Variants in ABCA7 observed in about 807,000 individuals in gnomAD.
The protein encoded by ABCA7 is phospholipid-transporting ATPase ABCA7.
Under a neutral mutation model 227.6 loss-of-function variants are expected in ABCA7, and 261 were observed. The observed-to-expected ratio is 1.15, with a 90% CI of 1.04 to 1.27. The LOEUF (loss-of-function observed/expected upper bound fraction) is 1.27, where lower values mean the gene tolerates loss of function less well. Among genes scored for constraint, ABCA7 ranks in the 50% most tolerant of loss-of-function variants. The pLI is 0.00. For missense variants in ABCA7, 3,331 were observed against 2,924.5 expected (o/e 1.14, Z -3.21); for synonymous variants, 1,488 against 1,279.7 (o/e 1.16, Z -3.47).
Position 1,063,566 on chromosome 19 carries a change from G to C in ABCA7, c.5735G>C (p.Arg1912Pro), listed in dbSNP as rs760239175. 1.9e-6 allele frequency: 3 copies of C among 1,610,852 alleles called. No individual in the cohort carries two copies. The Admixed American group carries it at 5.0e-5, about 27-fold the overall frequency. The change falls in exon 43 of 47, where the codon CGT becomes CCT. Residue 1912 changes from arginine to proline, a missense_variant. Arg to Pro is a moderately radical substitution (Grantham distance 103). Transcript: ENST00000263094. ...VAQTAGSGLA[R>P]LGLSWYADRP... ...CAGACCGCTGGCTCGGGCCTGGCGCGTCTGGGACTCTCATGGTACGCAGAC... is the reference window on the plus strand; with the variant it reads ...CAGACCGCTGGCTCGGGCCTGGCGCCTCTGGGACTCTCATGGTACGCAGAC...
In ABCA7 at chr19:1,054,692, C is replaced by T. The variant is rs201220286; in HGVS notation, c.3849C>T (p.Phe1283=). 7.4e-6 allele frequency: 12 copies of T among 1,612,530 alleles called. No homozygotes were observed. The Admixed American group carries it at 2.0e-4, about 27-fold the overall frequency. The part of the protein sequence containing the change: ...PTMYGAQVSF[F]SEDAPGDPGR... ...TGTACGGTGCTCAGGTGTCCTTCTT[C>T]AGGTGGGTGCAGAAGGAAGGGGCTG... Residue 1283 remains phenylalanine (F), a splice_region_variant and synonymous_variant, in exon 28 of 47, where the codon TTC becomes TTT. Transcript: ENST00000263094. The surrounding 1 kb of genome is among the most constrained non-coding windows in gnomAD (Gnocchi z 4.8).
chr19:1,045,313 T>C (rs2040510776), intron 12 of ABCA7, 82 bp downstream of exon 12: 1 of 1,295,166 alleles, frequency 7.7e-7, no homozygotes, highest in Non-Finnish European at 1.1e-6. Flanking sequence ...GCATTCAGCC[T>C]ATTGGAGACC....
Position 1,050,920 on chromosome 19 carries a change from G to A in ABCA7, c.2553-1G>A. Reference sequence around the variant, plus strand: ...CTACTCTGAGACCCCTCTATCCACAGGTCCATCTTGAGTGGCCTCTTCCCA... The same window carrying A: ...CTACTCTGAGACCCCTCTATCCACAAGTCCATCTTGAGTGGCCTCTTCCCA... On this transcript the variant is annotated splice_acceptor_variant, in intron 18 of 46. Transcript: ENST00000263094. LOFTEE classifies it high-confidence loss of function. 3 of 1,601,912 alleles carry A rather than the reference G, an allele frequency of 1.9e-6. No individual in the cohort carries two copies. Among genetic ancestry groups the A allele is most frequent in the Non-Finnish European group, 2.6e-6 (3 of 1,172,858 alleles).
At chr19:1,048,670 A>G (rs1313805249) in intron 16 of ABCA7, among the ~76,000 whole-genome samples, 4 of 150,912 alleles carry the variant, frequency 2.7e-5, no homozygotes, top group Non-Finnish European at 5.9e-5. Context: ...TTATCCAGGC[A>G]TGGTGGCGGG....
rs760267413 is a variant in ABCA7, at chr19:1,057,038, G to A, written c.4718G>A (p.Gly1573Asp). The change falls in exon 34 of 47, where the codon GGC (glycine) becomes GAC (aspartate). Residue 1573 changes from glycine (G) to aspartate (D), a missense_variant. Coordinates refer to ENST00000263094, the MANE Select transcript of ABCA7 (RefSeq NM_019112.4). ...TRAKHLQLMG[G>D]LSPTLYWLGN... ...GCCAAGCACCTGCAGCTCATGGGGG[G>A]CCTGTCCCCCACCCTCTACTGGCTT... 5.6e-6 allele frequency: 9 copies of A among 1,613,722 alleles called. No homozygotes were observed. In the East Asian group the frequency reaches 1.8e-4, roughly 32 times the overall value.
At position 1,051,294 on chromosome 19, in the gene ABCA7, G is replaced by C. The variant is rs200140277; in HGVS notation, c.2824G>C (p.Gly942Arg). ...GAGTGTGCAGACTCGCCACCTCTCT[G>C]GTGAGCCCATCCCCAAGGGAGGTCA... ...KQSVQTRHLS[G>R]GMQRKLSVAI... Residue 942 changes from glycine to arginine, a missense_variant and splice_region_variant, in exon 20 of 47, where the codon GGT becomes CGT. Transcript: ENST00000263094. The C allele has an allele frequency of 3.3e-5, 52 of 1,593,712 alleles. 1 individual carries two copies. The Middle Eastern group carries it at 1.3e-3, about 40-fold the overall frequency.
Position 1,053,344 on chromosome 19 carries a change from T to C in ABCA7, c.3236T>C (p.Leu1079Pro). 23 of 1,609,346 alleles carry C rather than the reference T, an allele frequency of 1.4e-5. No individual in the cohort carries two copies. The highest frequency in any genetic ancestry group is 2.0e-5 in the Non-Finnish European group (23 of 1,179,306). Residue 1079 changes from leucine (L) to proline (P), a missense_variant, in exon 24 of 47, where the codon CTG (leucine) becomes CCG (proline). Coordinates refer to ENST00000263094, the MANE Select transcript of ABCA7 (RefSeq NM_019112.4). ...GTCCACACAGGCACTCCTCAGCTGCTGGCCCTGGTACAGCACTGGGTGCCC... is the reference window on the plus strand; with the variant it reads ...GTCCACACAGGCACTCCTCAGCTGCCGGCCCTGGTACAGCACTGGGTGCCC... ...QGSRVGTPQLLALVQHWVPGA... is the reference protein window; with the variant it reads ...QGSRVGTPQLPALVQHWVPGA...
Position 1,057,315 on chromosome 19 carries a change from G to T in ABCA7, c.4766G>T (p.Cys1589Phe). ...AGGTAACTGCCATCTCCAATGCAGT[G>T]TAACTACTTGGTGCCAGCATGCATC... ...YWLGNFLWDM[C>F]NYLVPACIVV... Residue 1589 changes from cysteine to phenylalanine, a missense_variant and splice_region_variant, in exon 35 of 47, where the codon TGT becomes TTT. Transcript: ENST00000263094. The T allele has an allele frequency of 6.2e-7, 1 of 1,613,928 alleles. No individual in the cohort carries two copies.
chr19:1,061,814 G>A lies in ABCA7; in HGVS notation c.5496G>A (p.Gly1832=). Residue 1832 remains glycine (G), a synonymous_variant, in exon 41 of 47, where the codon GGG becomes GGA. Transcript: ENST00000263094. ...CFGLLGVNGA[G]KTSTFRMVTG... ...GGCTGCTGGGTGTGAATGGAGCAGG[G>A]AAGACGTCCACGTTTCGCATGGTGA... 6.2e-7 allele frequency: 1 copy of A among 1,612,444 alleles called. No homozygotes were observed. The highest frequency in any genetic ancestry group is 8.5e-7 in the Non-Finnish European group (1 of 1,179,332).
Position 1,057,068 on chromosome 19 carries a change from A to G in ABCA7, c.4748A>G (p.Asn1583Ser), listed in dbSNP as rs200409370. Residue 1583 changes from asparagine to serine, a missense_variant, in exon 34 of 47, where the codon AAC (asparagine) becomes AGC (serine). Coordinates refer to ENST00000263094, the MANE Select transcript of ABCA7 (RefSeq NM_019112.4). ...GLSPTLYWLG[N>S]FLWDMCNYLV... ...TCCCCCACCCTCTACTGGCTTGGCA[A>G]CTTTCTCTGGGACATGGTGCGGGGG... The G allele has an allele frequency of 2.5e-6, 4 of 1,612,944 alleles. No homozygotes were observed. Among genetic ancestry groups the G allele is most frequent in the Non-Finnish European group, 3.4e-6 (4 of 1,179,732 alleles).
intron 18 of ABCA7, 119 bp from the exon 19 acceptor site, chr19:1,050,802 A>G: frequency 2.0e-6 from 1 of 495,320 alleles, no homozygotes; most frequent in African/African-American, 2.1e-5. Flanking sequence ...AATAATAATA[A>G]TAATAATAAT....
intron 12 of ABCA7, chr19:1,045,480 A>G (rs2040532734): frequency 3.8e-6 from 2 of 522,228 alleles, no homozygotes; most frequent in African/African-American, 3.8e-5. Context: ...GTTGAGGGCA[A>G]TGGTGGGCGG....
In ABCA7 at chr19:1,053,448, G is replaced by T. The variant is rs767711531; in HGVS notation, c.3340G>T (p.Ala1114Ser). The T allele has an allele frequency of 6.2e-7, 1 of 1,602,094 alleles. No homozygotes were observed. Among genetic ancestry groups the T allele is most frequent in the Non-Finnish European group, 8.5e-7 (1 of 1,176,276 alleles). Residue 1114 changes from alanine to serine, a missense_variant, in exon 24 of 47, where the codon GCC (alanine) becomes TCC (serine). Physicochemically the swap from Ala to Ser is moderately conservative, Grantham distance 99. Transcript: ENST00000263094. ...CACGGGTGCCCATGACGGCAGCTTC[G>T]CCACACTCTTCCGAGAGCTAGACAC... ...PYTGAHDGSFATLFRELDTRL... is the reference protein window; with the variant it reads ...PYTGAHDGSFSTLFRELDTRL...
Position 1,043,790 on chromosome 19 carries a change from A to AC in ABCA7, c.1000dup (p.Arg334ProfsTer24). The AC allele has an allele frequency of 6.2e-7, 1 of 1,611,048 alleles. No homozygotes were observed. ...TCCGGGAGGTGTGGGAGATGCTGGG[A>AC]CCCCGGATCTTCACCTTCATGAACG... On this transcript the variant is annotated frameshift_variant, in exon 10 of 47. Coordinates refer to ENST00000263094, the MANE Select transcript of ABCA7 (RefSeq NM_019112.4). LOFTEE classifies it high-confidence loss of function.
chr19:1,061,200 C>T (rs1355457480), intron 40 of ABCA7, among the ~76,000 whole-genome samples: 3 of 151,792 alleles, frequency 2.0e-5, no homozygotes. Flanking sequence ...AGTTCGAGAC[C>T]AGCCTGGCCA....
Position 1,058,936 on chromosome 19 carries a change from C to G in ABCA7, c.5396C>G (p.Thr1799Ser), listed in dbSNP as rs767955337. 1 of 1,604,014 alleles carries G rather than the reference C, an allele frequency of 6.2e-7. No individual in the cohort carries two copies. The highest frequency in any genetic ancestry group is 1.1e-5 in the South Asian group (1 of 90,180). Residue 1799 changes from threonine to serine, a missense_variant, in exon 39 of 47, where the codon ACC (threonine) becomes AGC (serine). Coordinates refer to ENST00000263094, the MANE Select transcript of ABCA7 (RefSeq NM_019112.4). ...QGDVLVLRNLTKVYRGQRMPA... is the reference protein window; with the variant it reads ...QGDVLVLRNLSKVYRGQRMPA... ...GATGTGTTGGTGCTGAGGAACTTGACCAAGGTAGGTGTGGTCAGGTCGACT... is the reference window on the plus strand; with the variant it reads ...GATGTGTTGGTGCTGAGGAACTTGAGCAAGGTAGGTGTGGTCAGGTCGACT...
At position 1,063,858 on chromosome 19, in the gene ABCA7, C is replaced by G. The variant is rs149888292; in HGVS notation, c.5946C>G (p.Ser1982=). Reference sequence around the variant, plus strand: ...AGGGCCGTTCAGTGATGCTCACCTCCCATAGGTGGGCCGGGCTCTGATGCC... The same window carrying G: ...AGGGCCGTTCAGTGATGCTCACCTCGCATAGGTGGGCCGGGCTCTGATGCC... ...VREGRSVMLT[S]HSMEECEALC... The change falls in exon 44 of 47, where the codon TCC becomes TCG. Residue 1982 remains serine (S), a synonymous_variant. Transcript: ENST00000263094. 2.6e-6 allele frequency: 4 copies of G among 1,532,616 alleles called. No individual in the cohort carries two copies. In the African/African-American group the frequency reaches 5.5e-5, roughly 21 times the overall value. 94.9% of individuals were successfully genotyped at this position (1,532,616 alleles called of 1,614,324 possible). A position where few individuals can be genotyped will look rare whatever the true frequency, so the allele number is the denominator to read the frequency against.
At chr19:1,060,195 G>GTA (rs138175754) in intron 40 of ABCA7, among the ~76,000 whole-genome samples, 6,127 of 53,490 alleles carry the variant, frequency 0.11, 649 homozygotes, top group African/African-American at 0.38. Flanking sequence ...ACACATTGCA[G>GTA]TATATATATA....
rs371533525 is a variant in ABCA7 at position 1,062,278 on chromosome 19, C to T, written c.5677C>T (p.Arg1893Cys). The change falls in exon 42 of 47, where the codon CGC becomes TGC. Residue 1893 changes from arginine to cysteine, a missense_variant. Arg to Cys is a radical substitution (Grantham distance 180, BLOSUM62 -3). Transcript: ENST00000263094. The part of the protein sequence containing the change: ...TGREHLELLA[R>C]LRGVPEAQVA... The stretch of plus-strand genomic sequence containing the variant: ...CCGCGAGCACCTGGAGCTGCTTGCG[C>T]GCCTGCGCGGTGTCCCGGAGGCCCA... The T allele has an allele frequency of 2.2e-5, 36 of 1,609,292 alleles. No individual in the cohort carries two copies. The highest frequency in any genetic ancestry group is 6.7e-5 in the Admixed American group (4 of 59,966).
Sources: gnomAD v4.1 joint callset for allele counts (sites outside exome capture counted in the v4.1 genomes callset) on GRCh38, gnomAD v4.1.1 for gene constraint, Gnocchi (gnomAD v3.1) non-coding constraint, MANE v1.5 for transcripts, NCBI Gene and HGNC (gene_info 2026-07-23, HGNC 2026-07-21) for gene names.